The following RGS7 variants were observed in gnomAD, a reference collection of about 807,000 sequenced individuals.
The protein encoded by RGS7 is regulator of G-protein signaling 7.
RGS7 carries 27 observed loss-of-function variants against 81.1 expected under a neutral mutation model. That is an observed-to-expected ratio of 0.33 (90% CI 0.25 to 0.46). The LOEUF is 0.46. RGS7 is among the 20% of genes least tolerant of loss of function. RGS7 has a pLI of 1.00. For synonymous variants in RGS7, 208 were observed against 207.7 expected, an observed-to-expected ratio of 1.00 and a Z score of -0.01; for missense variants, 396 against 607.4, an observed-to-expected ratio of 0.65 and a Z score of 3.66.
Position 240,933,103 on chromosome 1 carries a change from C to G in RGS7, c.334-2335G>C, listed in dbSNP as rs1039330440. ...TTCACCGTGTTAGCCAGGATGGTCT[C>G]CATCTCCTGACCTCGTGATCTGCCC... is the stretch of plus-strand genomic sequence containing the variant. On this transcript the variant is annotated intron_variant, in intron 5 of 18. Coordinates refer to ENST00000440928, the MANE Select transcript of RGS7 (RefSeq NM_001364886.1). 5.6e-5 allele frequency among the ~76,000 whole-genome samples: 8 copies of G among 144,028 alleles called. No individual in the cohort carries two copies. The South Asian group carries it at 6.3e-4, about 11-fold the overall frequency. The allele number at this position is 144,028 out of a possible 152,430, so 94.5% of individuals were successfully genotyped here.
At chr1:241,319,864 G>T (rs775488815) in intron 2 of RGS7, among the ~76,000 whole-genome samples, 7 of 152,158 alleles carry the variant, frequency 4.6e-5, no homozygotes, top group Non-Finnish European at 7.4e-5. Context: ...AGGCTGAGGC[G>T]GGCAGATCAC....
chr1:240,889,475 G>A (rs771464602), intron 6 of RGS7, among the ~76,000 whole-genome samples: 1 of 152,112 alleles, frequency 6.6e-6, no homozygotes, highest in Non-Finnish European at 1.5e-5. Context: ...GGGAGCCTAC[G>A]GAGCCCTGGC....
At chr1:241,293,233 C>T (rs992668102) in intron 2 of RGS7, among the ~76,000 whole-genome samples, 1 of 152,140 alleles carries the variant, frequency 6.6e-6, no homozygotes, top group Non-Finnish European at 1.5e-5. Context: ...ACACACTAAG[C>T]TGCTAGTTGA....
chr1:240,781,032 T>TAA lies in RGS7; in HGVS notation c.*7-4821_*7-4820dup, dbSNP rs11296063. On this transcript the variant is annotated intron_variant, in intron 18 of 18. Coordinates refer to ENST00000440928, the MANE Select transcript of RGS7 (RefSeq NM_001364886.1). ...ATCTACTGTTGTCTTTATCAATTTA[T>TAA]AAAAAAAAAAAAACATGGTTCTCTT... 8.3e-5 allele frequency among the ~76,000 whole-genome samples: 12 copies of TAA among 144,714 alleles called. 1 individual carries two copies. The highest frequency in any genetic ancestry group is 2.2e-4 in the African/African-American group (9 of 40,078). 94.9% of individuals were successfully genotyped at this position (144,714 alleles called of 152,430 possible). A position where few individuals can be genotyped will look rare whatever the true frequency, so the allele number is the denominator to read the frequency against.
At chr1:241,121,008 G>T (rs977685067) in intron 2 of RGS7, among the ~76,000 whole-genome samples, 1 of 152,110 alleles carries the variant, frequency 6.6e-6, no homozygotes, top group Non-Finnish European at 1.5e-5. Context: ...TTTGCTCCAG[G>T]TCTAACAGGT....
intron 2 of RGS7, among the ~76,000 whole-genome samples, chr1:241,263,097 TCAAAA>T (rs1019016423): frequency 1.3e-5 from 2 of 151,762 alleles, no homozygotes; most frequent in Non-Finnish European, 2.9e-5. Flanking sequence ...AAACTCTGTC[TCAAAA>T]CAAAACAAAC....
At chr1:240,962,475 A>G (rs1283885476) in intron 4 of RGS7, among the ~76,000 whole-genome samples, 1 of 152,044 alleles carries the variant, frequency 6.6e-6, no homozygotes, top group Admixed American at 6.6e-5. Context: ...CCAAATGTGT[A>G]CCTCAGTCAT....
At chr1:241,091,657 A>G (rs2502427) in intron 3 of RGS7, among the ~76,000 whole-genome samples, 38,040 of 151,968 alleles carry the variant, frequency 0.25, 5,263 homozygotes, top group African/African-American at 0.36. Context: ...AGGAAGAGAC[A>G]TGAGGATCTC....
At chr1:240,950,928 T>TC (rs1480028594) in intron 4 of RGS7, among the ~76,000 whole-genome samples, 8 of 129,448 alleles carry the variant, frequency 6.2e-5, no homozygotes, top group South Asian at 4.7e-4. Flanking sequence ...TCTCTCTCTC[T>TC]TTTTTTTTTT....
chr1:241,210,516 CA>C (rs1331027434), intron 2 of RGS7, among the ~76,000 whole-genome samples: 1 of 152,140 alleles, frequency 6.6e-6, no homozygotes, highest in Non-Finnish European at 1.5e-5. Context: ...GGCTAAATAA[CA>C]GAAAGAAGGG....
chr1:241,089,061 C>CTATATATATA (rs1354977800), intron 3 of RGS7, among the ~76,000 whole-genome samples: 2 of 36,920 alleles, frequency 5.4e-5, no homozygotes, highest in Non-Finnish European at 1.0e-4. Flanking sequence ...CTCTCTCTCT[C>CTATATATATA]TCTATATATA....
intron 3 of RGS7, among the ~76,000 whole-genome samples, chr1:241,047,827 C>T (rs753012120): frequency 6.6e-6 from 1 of 150,586 alleles, no homozygotes; most frequent in Non-Finnish European, 1.5e-5. Context: ...GCAACCTCCG[C>T]CTCCCAGGTT....
At chr1:241,320,947 A>C (rs2081172480) in intron 2 of RGS7, among the ~76,000 whole-genome samples, 1 of 152,332 alleles carries the variant, frequency 6.6e-6, no homozygotes, top group East Asian at 1.9e-4. Context: ...CATCAATGTA[A>C]ATACCCAATG....
At chr1:240,895,340 C>T (rs1052518781) in intron 6 of RGS7, among the ~76,000 whole-genome samples, 1 of 151,196 alleles carries the variant, frequency 6.6e-6, no homozygotes, top group Non-Finnish European at 1.5e-5. Context: ...GCACAATGTG[C>T]AGGTTTGTTA....
intron 4 of RGS7, among the ~76,000 whole-genome samples, chr1:240,979,645 T>C (rs1684641478): frequency 6.6e-6 from 1 of 152,104 alleles, no homozygotes; most frequent in Admixed American, 6.5e-5. Flanking sequence ...GCATGAAAGT[T>C]ATGAATTGGA....
chr1:241,261,640 A>G (rs868721226), intron 2 of RGS7, among the ~76,000 whole-genome samples: 43 of 151,376 alleles, frequency 2.8e-4, no homozygotes, highest in African/African-American at 9.2e-4. Context: ...AAAAAAAAAA[A>G]AAAAAAAAAT....
intron 5 of RGS7, among the ~76,000 whole-genome samples, chr1:240,932,185 G>A (rs1470540722): frequency 1.3e-5 from 2 of 152,044 alleles, no homozygotes; most frequent in East Asian, 1.9e-4. Flanking sequence ...AGGCCCCCCC[G>A]ACTACCATCA....
At chr1:241,057,085 T>C (rs2061510471) in intron 3 of RGS7, among the ~76,000 whole-genome samples, 1 of 152,140 alleles carries the variant, frequency 6.6e-6, no homozygotes, top group Non-Finnish European at 1.5e-5. Flanking sequence ...CTGATTTAGT[T>C]AATAGTATTT....
Position 240,808,286 on chromosome 1 carries a change from C to T in RGS7, c.1083-1960G>A, listed in dbSNP as rs565038544. 7.2e-5 allele frequency among the ~76,000 whole-genome samples: 11 copies of T among 152,228 alleles called. No individual in the cohort carries two copies. The East Asian group carries it at 1.9e-3, about 27-fold the overall frequency. ...GGGAAAGGCAAGCAGGAAAGAGCCC[C>T]TCTGCTGGGGCAAGTGCTGGATTGG... On this transcript the variant is annotated intron_variant, in intron 14 of 18. Transcript: ENST00000440928.
Sources: allele counts gnomAD v4.1 joint callset (sites outside exome capture counted in the v4.1 genomes callset), GRCh38; gene constraint gnomAD v4.1.1; transcripts MANE v1.5; gene names NCBI Gene and HGNC (gene_info 2026-07-23, HGNC 2026-07-21).